Variants in PKHD1 observed in about 807,000 individuals in gnomAD.
PKHD1 encodes PKHD1 ciliary IPT domain containing fibrocystin/polyductin, also known as fibrocystin.
A neutral mutation model predicts 412.0 loss-of-function variants in PKHD1; 291 were observed. The ratio of observed to expected loss-of-function variants is 0.71; its 90% CI spans 0.64 to 0.78. PKHD1 has a LOEUF of 0.78. Among genes scored for constraint, PKHD1 ranks in the 30% least tolerant of loss-of-function variants. The pLI, the probability that PKHD1 is intolerant of heterozygous loss-of-function variation, is 0.00. For synonymous variants in PKHD1, 1,777 were observed against 1,821.5 expected (o/e 0.98, Z 0.62); for missense variants, 4,825 against 4,950.7 (o/e 0.97, Z 0.76).
chr6:52,073,717 T>A (rs1372360290), intron 6 of PKHD1, among the ~76,000 whole-genome samples, 176 bp from the exon 7 acceptor site: 1 of 152,156 alleles, frequency 6.6e-6, no homozygotes, highest in East Asian at 1.9e-4. Context: ...GATTTAGTGA[T>A]CAATATTACA....
At position 52,064,939 on chromosome 6, in the gene PKHD1, C is replaced by T; in HGVS notation, c.976+16G>A. On this transcript the variant is annotated intron_variant, in intron 13 of 66. Coordinates refer to ENST00000371117, the MANE Select transcript of PKHD1 (RefSeq NM_138694.4). ...GATATTCAGAGTTTATTGAACAGCC[C>T]TGGTGGCTTCCTTACCTGGCTGAGG... The T allele has an allele frequency of 1.4e-6, 2 of 1,445,318 alleles. No homozygotes were observed. The highest frequency in any genetic ancestry group is 1.1e-5 in the South Asian group (1 of 87,330). The allele number at this position is 1,445,318 out of a possible 1,614,324, so 89.5% of individuals were successfully genotyped here.
At position 52,035,700 on chromosome 6, in the gene PKHD1, CG is replaced by C. The variant is rs1803834984; in HGVS notation, c.3118del (p.Arg1040GlufsTer10). 1 of 1,613,870 alleles carries C rather than the reference CG, an allele frequency of 6.2e-7. No homozygotes were observed. The highest frequency in any genetic ancestry group is 8.5e-7 in the Non-Finnish European group (1 of 1,179,810). On this transcript the variant is annotated frameshift_variant, in exon 28 of 67. Transcript: ENST00000371117. LOFTEE classifies it high-confidence loss of function. ...ADIGGLWATI[R>X]GSSLEGVSLI... Reference sequence around the variant, plus strand: ...GCTAACACCTTCCAAACTAGAGCCTCGGATGGTGGCCCAGAGCCCTCCTGTA... The same window carrying C: ...GCTAACACCTTCCAAACTAGAGCCTCGATGGTGGCCCAGAGCCCTCCTGTA...
At chr6:51,644,980 T>C (rs942610840) in intron 63 of PKHD1, among the ~76,000 whole-genome samples, 2 of 152,166 alleles carry the variant, frequency 1.3e-5, no homozygotes, top group African/African-American at 4.8e-5. Flanking sequence ...GCCCGGCCAA[T>C]AAACCGAATT....
chr6:51,815,893 AT>A (rs1402202529), intron 52 of PKHD1, among the ~76,000 whole-genome samples: 2 of 152,310 alleles, frequency 1.3e-5, no homozygotes, highest in Non-Finnish European at 2.9e-5. Flanking sequence ...CTCACTTTAT[AT>A]TTTGCCACTT....
chr6:51,903,810 T>C, intron 42 of PKHD1, 83 bp from the exon 43 acceptor site: 1 of 916,674 alleles, frequency 1.1e-6, no homozygotes, highest in Non-Finnish European at 1.8e-6. Flanking sequence ...CTAATACACA[T>C]CAGAGTTCAC....
chr6:51,900,357 A>C (rs979767473), intron 43 of PKHD1, among the ~76,000 whole-genome samples: 14 of 152,330 alleles, frequency 9.2e-5, no homozygotes, highest in South Asian at 8.3e-4. Context: ...AGCCCTCAGA[A>C]ATAACGCTGC....
At chr6:51,756,711 G>C (rs1181463482) in intron 55 of PKHD1, among the ~76,000 whole-genome samples, 2 of 152,036 alleles carry the variant, frequency 1.3e-5, no homozygotes. Flanking sequence ...ATGGATGGTG[G>C]GATTATTAGT....
At chr6:51,918,543 C>T (rs973161183) in intron 37 of PKHD1, among the ~76,000 whole-genome samples, 4 of 152,182 alleles carry the variant, frequency 2.6e-5, no homozygotes, top group Admixed American at 6.5e-5. Context: ...TTTATGGCTG[C>T]ATAGTATTCC....
chr6:51,796,783 G>C (rs1399871510), intron 52 of PKHD1, among the ~76,000 whole-genome samples: 1 of 148,612 alleles, frequency 6.7e-6, no homozygotes, highest in African/African-American at 2.5e-5. Context: ...GGAGAAGGTT[G>C]TTCATTTCCA....
rs915948069 is a variant in PKHD1 at position 51,837,444 on chromosome 6, T to C, written c.8108-975A>G. On this transcript the variant is annotated intron_variant, in intron 50 of 66. Coordinates refer to ENST00000371117, the MANE Select transcript of PKHD1 (RefSeq NM_138694.4). ...ATAAGCAGCCAGGCGCTGTGGCTCA[T>C]GCCTGTAATCCCAGCACTTTGGGAG... Among the ~76,000 whole-genome samples the C allele has an allele frequency of 3.3e-5, 5 of 152,142 alleles. 1 individual carries two copies. Among genetic ancestry groups the C allele is most frequent in the Admixed American group, 3.3e-4 (5 of 15,266 alleles).
intron 21 of PKHD1, among the ~76,000 whole-genome samples, chr6:52,050,614 G>C (rs1806663727): frequency 6.6e-6 from 1 of 152,190 alleles, no homozygotes; most frequent in Admixed American, 6.5e-5. Context: ...ATCTATTGCA[G>C]TATAGCCTGC....
rs796426644 is a variant in PKHD1 at position 51,941,872 on chromosome 6, G to A, written c.5909-7550C>T. Among the ~76,000 whole-genome samples, 118 of 151,398 alleles carry A rather than the reference G, an allele frequency of 7.8e-4. 1 individual carries two copies. Among genetic ancestry groups the A allele is most frequent in the African/African-American group, 2.4e-3 (101 of 41,424 alleles). ...AGCAAATTACCTGGGCTGTACTGCC[G>A]CAAGCCTTCACAGACAGCCCCCATT... On this transcript the variant is annotated intron_variant, in intron 36 of 66. Transcript: ENST00000371117.
chr6:51,863,998 GT>G (rs1774634408), intron 48 of PKHD1, among the ~76,000 whole-genome samples: 1 of 152,102 alleles, frequency 6.6e-6, no homozygotes, highest in African/African-American at 2.4e-5. Flanking sequence ...AGCTATGCAG[GT>G]GCTATAAGTA....
At chr6:51,637,511 G>C (rs1326849663) in intron 64 of PKHD1, among the ~76,000 whole-genome samples, 1 of 151,826 alleles carries the variant, frequency 6.6e-6, no homozygotes, top group Non-Finnish European at 1.5e-5. Flanking sequence ...AAACCAGGAA[G>C]AACATGAAAC....
At chr6:51,680,071 G>A (rs1329163741) in intron 60 of PKHD1, among the ~76,000 whole-genome samples, 1 of 151,868 alleles carries the variant, frequency 6.6e-6, no homozygotes, top group Non-Finnish European at 1.5e-5. Flanking sequence ...AAGCTCCTAA[G>A]GTGTCTGTGC....
chr6:51,778,042 T>TA (rs1213089262), intron 53 of PKHD1, among the ~76,000 whole-genome samples: 5 of 152,060 alleles, frequency 3.3e-5, no homozygotes, highest in Non-Finnish European at 7.4e-5. Context: ...TATTGCAACA[T>TA]AAAAATGAAA....
intron 65 of PKHD1, 109 bp from the exon 66 acceptor site, chr6:51,627,225 T>C: frequency 1.0e-6 from 1 of 975,316 alleles, no homozygotes; most frequent in Non-Finnish European, 1.6e-6. Flanking sequence ...ATCATACACA[T>C]GCAACAGAAA....
intron 52 of PKHD1, among the ~76,000 whole-genome samples, chr6:51,827,130 G>T (rs1427947794): frequency 6.6e-6 from 1 of 152,012 alleles, no homozygotes; most frequent in Non-Finnish European, 1.5e-5. Flanking sequence ...ATCGTATTAT[G>T]TAAAAATGGG....
chr6:51,667,679 G>A (rs1291897552), intron 60 of PKHD1, among the ~76,000 whole-genome samples: 1 of 150,750 alleles, frequency 6.6e-6, no homozygotes, highest in East Asian at 1.9e-4. Flanking sequence ...ATGGTTTTAG[G>A]TCTAATGTTT....
Sources: allele counts gnomAD v4.1 joint callset (sites outside exome capture counted in the v4.1 genomes callset), GRCh38; gene constraint gnomAD v4.1.1; transcripts MANE v1.5; gene names NCBI Gene and HGNC (gene_info 2026-07-23, HGNC 2026-07-21).